The following RAD1 variants were observed in gnomAD, a reference collection of about 807,000 sequenced individuals.
The protein encoded by RAD1 is cell cycle checkpoint protein RAD1.
A neutral mutation model predicts 30.0 loss-of-function variants in RAD1; 21 were observed. The observed-to-expected ratio is 0.70, with a 90% confidence interval of 0.50 to 1.01. The LOEUF (loss-of-function observed/expected upper bound fraction) is 1.01. RAD1 is among the 50% of genes least tolerant of loss of function. RAD1 has a pLI of 0.00. For missense variants in RAD1, 329 were observed against 329.0 expected, an observed-to-expected ratio of 1.00 and a Z score of 0.00; for synonymous variants, 109 against 113.6, an observed-to-expected ratio of 0.96 and a Z score of 0.26.
chr5:34,911,643 C>T lies in RAD1; in HGVS notation c.477G>A (p.Gln159=). 3 of 1,614,134 alleles carry T rather than the reference C, an allele frequency of 1.9e-6. No individual in the cohort carries two copies. Among genetic ancestry groups the T allele is most frequent in the Non-Finnish European group, 2.5e-6 (3 of 1,180,030 alleles). Residue 159 remains glutamine, a synonymous_variant, in exon 4 of 6, where the codon CAG becomes CAA. Coordinates refer to ENST00000382038, the MANE Select transcript of RAD1 (RefSeq NM_002853.4). ...STNVINKIIL[Q]SEGLREAFSE... ...AAAATGCTTCACGGAGCCCCTCTGA[C>T]TGCAGAATAATTTTATTAATAACAT...
chr5:34,908,738 C>A lies in RAD1; in HGVS notation c.*27G>T, dbSNP rs772537108. The A allele has an allele frequency of 2.6e-6, 4 of 1,540,554 alleles. No homozygotes were observed. The highest frequency in any genetic ancestry group is 4.5e-5 in the East Asian group (2 of 44,250). On this transcript the variant is annotated 3_prime_UTR_variant, in exon 6 of 6. Transcript: ENST00000382038. ...AAGAACTTCATCTATCATAAATGTACACATAAATATCAGTGAATTGTCATA... is the reference window on the plus strand; with the variant it reads ...AAGAACTTCATCTATCATAAATGTAAACATAAATATCAGTGAATTGTCATA...
rs373368069 is a variant in RAD1 at position 34,914,902 on chromosome 5, C to T, written c.-10G>A. The stretch of plus-strand genomic sequence containing the variant: ...GGGTCAGAAGGGGCATCGTCCACTG[C>T]GCATTCGGCCCCGAGGGATGCTCCT... On this transcript the variant is annotated 5_prime_UTR_variant, in exon 2 of 6. Transcript: ENST00000382038. 3.1e-6 allele frequency: 5 copies of T among 1,613,756 alleles called. No individual in the cohort carries two copies. Among genetic ancestry groups the T allele is most frequent in the Admixed American group, 3.3e-5 (2 of 59,964 alleles).
rs1022580605 is a variant in RAD1, at chr5:34,905,819, G to C, written c.*2946C>G. 3 of 151,796 alleles carry C rather than the reference G, an allele frequency of 2.0e-5. No individual in the cohort carries two copies. Among genetic ancestry groups the C allele is most frequent in the African/African-American group, 7.3e-5 (3 of 41,320 alleles). The allele number at this position is 151,796 out of a possible 1,614,324, so 9.4% of individuals were successfully genotyped here. A position where few individuals can be genotyped will look rare whatever the true frequency, so the allele number is the denominator to read the frequency against. On this transcript the variant is annotated 3_prime_UTR_variant, in exon 6 of 6. Coordinates refer to ENST00000382038, the MANE Select transcript of RAD1 (RefSeq NM_002853.4). ...AACTTTTATTAAAGTAAAAATTCCT[G>C]GGTCAATTAGAACACAAATAAGGAG...
intron 5 of RAD1, 101 bp downstream of exon 5, chr5:34,909,157 G>T: frequency 1.0e-6 from 1 of 997,598 alleles, no homozygotes; most frequent in Non-Finnish European, 1.5e-6. Flanking sequence ...ATAAAATGCT[G>T]TGCATTTTAA....
rs1763661608 is a variant in RAD1, at chr5:34,906,564, A to AG, written c.*2200dup. ...TGAGATGGGAGGATTGCTTGAGCCT[A>AG]GGAGATTGAGGCTGGAGTGAACTGT... On this transcript the variant is annotated 3_prime_UTR_variant, in exon 6 of 6. Transcript: ENST00000382038. The AG allele has an allele frequency of 1.3e-5, 2 of 152,096 alleles. No homozygotes were observed. Among genetic ancestry groups the AG allele is most frequent in the East Asian group, 3.9e-4 (2 of 5,170 alleles). 9.4% of individuals were successfully genotyped at this position (152,096 alleles called of 1,614,324 possible).
rs966522651 is a variant in RAD1 at position 34,907,432 on chromosome 5, A to G, written c.*1333T>C. ...CAATAGTGACTGTCCATGGAGGGAC[A>G]CTCAGCTGTTGTCACCTGGTACAGT... On this transcript the variant is annotated 3_prime_UTR_variant, in exon 6 of 6. Transcript: ENST00000382038. The G allele has an allele frequency of 5.9e-5, 9 of 152,148 alleles. No individual in the cohort carries two copies. Among genetic ancestry groups the G allele is most frequent in the African/African-American group, 1.9e-4 (8 of 41,432 alleles). The allele number at this position is 152,148 out of a possible 1,614,324, so 9.4% of individuals were successfully genotyped here. A position where few individuals can be genotyped will look rare whatever the true frequency, so the allele number is the denominator to read the frequency against.
In RAD1 at chr5:34,909,246, T is replaced by A. The variant is rs1763755424; in HGVS notation, c.665+12A>T. On this transcript the variant is annotated intron_variant, in intron 5 of 5. Transcript: ENST00000382038. ...TTTATCACCAATGACAACCTCTATA[T>A]TAAGAACTGACCTGTTGACTTGGGT... is the stretch of plus-strand genomic sequence containing the variant. 6.4e-7 allele frequency: 1 copy of A among 1,564,756 alleles called. No individual in the cohort carries two copies. The highest frequency in any genetic ancestry group is 1.1e-5 in the South Asian group (1 of 88,350).
At position 34,914,692 on chromosome 5, in the gene RAD1, T is replaced by A. The variant is rs1391312860; in HGVS notation, c.198+3A>T. 6.2e-7 allele frequency: 1 copy of A among 1,614,184 alleles called. No individual in the cohort carries two copies. The highest frequency in any genetic ancestry group is 8.5e-7 in the Non-Finnish European group (1 of 1,179,982). The stretch of plus-strand genomic sequence containing the variant: ...ACAGGCTTAAAGGCGCCTACTTCCA[T>A]ACCTGAATAAAAGCATTTGCTTGCA... On this transcript the variant is annotated splice_donor_region_variant and intron_variant, in intron 2 of 5. Transcript: ENST00000382038.
chr5:34,910,879 C>G (rs41271719), intron 4 of RAD1, among the ~76,000 whole-genome samples: 11 of 152,188 alleles, frequency 7.2e-5, no homozygotes, highest in Non-Finnish European at 1.6e-4. Context: ...TGAGTCTAAT[C>G]CTGAAAAGAG....
chr5:34,914,845 G>A lies in RAD1; in HGVS notation c.48C>T (p.Ser16=). The stretch of plus-strand genomic sequence containing the variant: ...TAACGTTGTCAAGGCTGGCCACAAG[G>A]CTGTACTGATCATCCTCGTCTTGGA... ...QQIQDEDDQY[S]LVASLDNVRN... The change falls in exon 2 of 6, where the codon AGC becomes AGT. Residue 16 remains serine, a synonymous_variant. Coordinates refer to ENST00000382038, the MANE Select transcript of RAD1 (RefSeq NM_002853.4). 6.2e-7 allele frequency: 1 copy of A among 1,614,156 alleles called. No individual in the cohort carries two copies. The highest frequency in any genetic ancestry group is 2.2e-5 in the East Asian group (1 of 44,862).
intron 5 of RAD1, 116 bp downstream of exon 5, chr5:34,909,141 AT>A: frequency 1.0e-6 from 1 of 964,278 alleles, no homozygotes; most frequent in Non-Finnish European, 1.5e-6. Flanking sequence ...TCTACTATTC[AT>A]TTTTATAAAA....
intron 3 of RAD1, among the ~76,000 whole-genome samples, chr5:34,912,324 G>A (rs934670935): frequency 6.6e-6 from 1 of 152,182 alleles, no homozygotes; most frequent in Non-Finnish European, 1.5e-5. Flanking sequence ...GAGAGAAAAA[G>A]AGGGTTGTTA....
chr5:34,912,914 T>G (rs2111948337), intron 3 of RAD1, among the ~76,000 whole-genome samples: 1 of 152,286 alleles, frequency 6.6e-6, no homozygotes, highest in East Asian at 1.9e-4. Flanking sequence ...GGCAGAAGAA[T>G]CACTTGAACC....
rs1763659805 is a variant in RAD1, at chr5:34,906,511, C to G, written c.*2254G>C. 1 of 151,974 alleles carries G rather than the reference C, an allele frequency of 6.6e-6. No homozygotes were observed. Among genetic ancestry groups the G allele is most frequent in the African/African-American group, 2.4e-5 (1 of 41,372 alleles). 9.4% of individuals were successfully genotyped at this position (151,974 alleles called of 1,614,324 possible). On this transcript the variant is annotated 3_prime_UTR_variant, in exon 6 of 6. Transcript: ENST00000382038. ...AAAATTAGCAGGGCATGGAGGCATG[C>G]ACCTGTAGTCGTAGCTATTTGGGAA...
chr5:34,911,697 C>G lies in RAD1; in HGVS notation c.423G>C (p.Glu141Asp). The G allele has an allele frequency of 1.2e-6, 2 of 1,614,146 alleles. No homozygotes were observed. Among genetic ancestry groups the G allele is most frequent in the Non-Finnish European group, 1.7e-6 (2 of 1,180,036 alleles). Residue 141 changes from glutamate (E) to aspartate (D), a missense_variant, in exon 4 of 6, where the codon GAG (glutamate) becomes GAC (aspartate). Physicochemically the swap from Glu to Asp is conservative, Grantham distance 45. Transcript: ENST00000382038. ...VCKINTQEPEETLDFDFCSTN... is the reference protein window; with the variant it reads ...VCKINTQEPEDTLDFDFCSTN... ...TGCTGCAGAAATCAAAGTCCAGGGT[C>G]TCCTCAGGTTCCTGTGTATTGATTT... is the stretch of plus-strand genomic sequence containing the variant.
In RAD1 at chr5:34,911,572, G is replaced by A; in HGVS notation, c.548C>T (p.Pro183Leu). ...TSEVLQITMS[P>L]DKPYFRLSTF... ...CAAGTACCTGAAATAAGGCTTGTCA[G>A]GAGACATGGTAATTTGTAGGACTTC... The change falls in exon 4 of 6, where the codon CCT (proline) becomes CTT (leucine). Residue 183 changes from proline to leucine, a missense_variant. By Grantham distance (98) the Pro-to-Leu change is moderately conservative. Transcript: ENST00000382038. 6.2e-7 allele frequency: 1 copy of A among 1,614,184 alleles called. No homozygotes were observed.
intron 1 of RAD1, 22 bp from the exon 2 acceptor site, chr5:34,914,983 A>C: frequency 1.4e-6 from 2 of 1,404,220 alleles, no homozygotes; most frequent in South Asian, 1.2e-5. Flanking sequence ...AGACAGTAAA[A>C]CTCCCATCAG....
At chr5:34,909,688 C>A (rs1188399623) in intron 4 of RAD1, among the ~76,000 whole-genome samples, 1 of 152,088 alleles carries the variant, frequency 6.6e-6, no homozygotes, top group East Asian at 1.9e-4. Flanking sequence ...TCATGGAAGA[C>A]CTTGATCTAA....
At position 34,914,936 on chromosome 5, in the gene RAD1, C is replaced by T; in HGVS notation, c.-44G>A. ...CCCCGAGGGATGCTCCTGGGGCCAA[C>T]AACTTCTCGGCGGATCGCCAAACAC... is the stretch of plus-strand genomic sequence containing the variant. On this transcript the variant is annotated 5_prime_UTR_variant, in exon 2 of 6. Transcript: ENST00000382038. The T allele has an allele frequency of 6.2e-7, 1 of 1,605,182 alleles. No homozygotes were observed. The highest frequency in any genetic ancestry group is 8.5e-7 in the Non-Finnish European group (1 of 1,174,012).
Sources: allele counts gnomAD v4.1 joint callset (sites outside exome capture counted in the v4.1 genomes callset), GRCh38; gene constraint gnomAD v4.1.1; transcripts MANE v1.5; gene names NCBI Gene and HGNC (gene_info 2026-07-23, HGNC 2026-07-21).